MROH2A: variants seen among roughly 807,000 people sequenced by gnomAD.
MROH2A encodes maestro heat-like repeat-containing protein family member 2A.
In MROH2A, 174 loss-of-function variants were observed where a neutral mutation model predicts 200.4. The ratio of observed to expected loss-of-function variants is 0.87; its 90% CI spans 0.77 to 0.98. The LOEUF (loss-of-function observed/expected upper bound fraction) is 0.98. MROH2A is among the 50% of genes least tolerant of loss of function. The pLI, the probability that MROH2A is intolerant of heterozygous loss-of-function variation, is 0.00. For missense variants in MROH2A, 2,045 were observed against 2,139.6 expected (o/e 0.96, Z 0.87); for synonymous variants, 829 against 840.4 (o/e 0.99, Z 0.23).
intron 34 of MROH2A, 150 bp downstream of exon 34, chr2:233,823,168 C>T (rs2124882600): frequency 1.2e-6 from 1 of 819,116 alleles, no homozygotes; most frequent in Non-Finnish European, 1.9e-6. Context: ...TCTAGGATGG[C>T]AGTGGTGTGC....
rs1702893158 is a variant in MROH2A, at chr2:233,807,693, G to A, written c.2173-40G>A. 6.5e-7 allele frequency: 1 copy of A among 1,550,290 alleles called. No individual in the cohort carries two copies. Among genetic ancestry groups the A allele is most frequent in the African/African-American group, 1.4e-5 (1 of 73,050 alleles). ...TGTGTGGGATCCTCCTCTGCCCACT[G>A]GCCCCTGCCCTCACCCTGGCTGGCT... On this transcript the variant is annotated intron_variant, in intron 20 of 41. Coordinates refer to ENST00000389758, the MANE Select transcript of MROH2A (RefSeq NM_001394639.1). This position sits in a 1 kb window ranked among gnomAD's most constrained non-coding sequence, Gnocchi z 4.3.
At chr2:233,818,837 G>A (rs561794685) in intron 29 of MROH2A, 67 bp downstream of exon 29, 27 of 1,023,482 alleles carry the variant, frequency 2.6e-5, no homozygotes, top group Non-Finnish European at 2.9e-5. Flanking sequence ...CTCTCAGGGA[G>A]GGAGGCCTTC....
intron 8 of MROH2A, 122 bp from the exon 9 acceptor site, chr2:233,795,531 C>T: frequency 6.9e-7 from 1 of 1,453,568 alleles, no homozygotes; most frequent in Non-Finnish European, 9.4e-7. Flanking sequence ...GTCTGCATTT[C>T]TAATCAGCTC....
chr2:233,788,102 T>TAC (rs1300983635), intron 3 of MROH2A, among the ~76,000 whole-genome samples: 1 of 107,260 alleles, frequency 9.3e-6, no homozygotes, highest in African/African-American at 3.7e-5. Flanking sequence ...ATATATTATA[T>TAC]ATACATATAT....
rs79943447 is a variant in MROH2A at position 233,823,326 on chromosome 2, G to A, written c.4005-230G>A. 2.3e-3 allele frequency among the ~76,000 whole-genome samples: 355 copies of A among 152,348 alleles called. 8 individuals are homozygous for A. In the East Asian group the frequency reaches 0.058, roughly 25 times the overall value. On this transcript the variant is annotated intron_variant, in intron 34 of 41. Transcript: ENST00000389758. The stretch of plus-strand genomic sequence containing the variant: ...CTGGGGTCCTAGTCACTCCGGAGCC[G>A]CCCTCACTCTAGTCCCCTTTGTAAA...
At chr2:233,822,070 C>T in intron 31 of MROH2A, 54 bp from the exon 32 acceptor site, 1 of 1,507,878 alleles carries the variant, frequency 6.6e-7, no homozygotes, top group Non-Finnish European at 8.9e-7. Flanking sequence ...GGATTCTTAC[C>T]TGCCAGGGCA....
At chr2:233,832,513 C>A in intron 40 of MROH2A, 66 bp from the exon 41 acceptor site, 2 of 1,275,550 alleles carry the variant, frequency 1.6e-6, no homozygotes, top group Non-Finnish European at 2.2e-6. Flanking sequence ...AGTAAGTAAA[C>A]CACAGGACGA....
At chr2:233,804,263 G>T in intron 17 of MROH2A, 71 bp downstream of exon 17, 1 of 1,526,830 alleles carries the variant, frequency 6.5e-7, no homozygotes, top group South Asian at 1.2e-5. Context: ...CTAATCACAT[G>T]ACTTGAATAA....
Position 233,829,700 on chromosome 2 carries a change from C to T in MROH2A, c.4527C>T (p.Phe1509=). 1 of 1,496,918 alleles carries T rather than the reference C, an allele frequency of 6.7e-7. No individual in the cohort carries two copies. The highest frequency in any genetic ancestry group is 1.3e-5 in the South Asian group (1 of 76,146). The allele number at this position is 1,496,918 out of a possible 1,614,324, so 92.7% of individuals were successfully genotyped here. ...TGGTCGGGATGTCCAAGAAGCATTT[C>T]TTCAAAGGGGAGGTGAAGAAGGCCT... ...ARVVGMSKKH[F]FKGEVKKAWI... is the part of the protein sequence containing the mutation. The change falls in exon 38 of 42, where the codon TTC becomes TTT. Residue 1509 remains phenylalanine, a synonymous_variant. Transcript: ENST00000389758.
Position 233,802,283 on chromosome 2 carries a change from T to C in MROH2A, c.1676T>C (p.Val559Ala), listed in dbSNP as rs1702521880. 2.3e-5 allele frequency: 36 copies of C among 1,550,476 alleles called. No homozygotes were observed. The highest frequency in any genetic ancestry group is 3.1e-5 in the Non-Finnish European group (36 of 1,146,828). ...LAEHQLHGQD[V>A]DVSVAGKSRQ... ...GAACACCAGCTCCATGGCCAGGATG[T>C]GGATGTCAGCGTGGCTGGCAAGAGC... The change falls in exon 15 of 42, where the codon GTG becomes GCG. Residue 559 changes from valine (V) to alanine (A), a missense_variant. Transcript: ENST00000389758.
At position 233,795,954 on chromosome 2, in the gene MROH2A, C is replaced by T. The variant is rs375767341; in HGVS notation, c.1060-13C>T. ...TGTGATCTCCTCCAGCCTCACTGCA[C>T]GTCCCTCACCAGGTGTGCAACAAGG... is the stretch of plus-strand genomic sequence containing the variant. On this transcript the variant is annotated splice_polypyrimidine_tract_variant and intron_variant, in intron 9 of 41. Coordinates refer to ENST00000389758, the MANE Select transcript of MROH2A (RefSeq NM_001394639.1). 74 of 1,550,034 alleles carry T rather than the reference C, an allele frequency of 4.8e-5. No individual in the cohort carries two copies. Among genetic ancestry groups the T allele is most frequent in the East Asian group, 3.4e-4 (14 of 40,906 alleles).
At chr2:233,816,005 T>G (rs921128232) in intron 26 of MROH2A, among the ~76,000 whole-genome samples, 2 of 152,236 alleles carry the variant, frequency 1.3e-5, no homozygotes, top group African/African-American at 4.8e-5. Context: ...AGAATCTTTC[T>G]GGTTTGGATT....
At chr2:233,806,572 A>G (rs1383245408) in intron 19 of MROH2A, among the ~76,000 whole-genome samples, 2 of 152,206 alleles carry the variant, frequency 1.3e-5, no homozygotes, top group Admixed American at 1.3e-4. Context: ...TAAAAATCAA[A>G]GAAACACATC....
At chr2:233,777,919 T>C (rs1449553001), upstream of MROH2A, among the ~76,000 whole-genome samples, 1 of 152,166 alleles carries the variant, frequency 6.6e-6, no homozygotes, top group African/African-American at 2.4e-5. Flanking sequence ...TTGTAAGTAT[T>C]GTGCTAGTGG....
In MROH2A at chr2:233,789,527, A is replaced by G. The variant is rs1396298451; in HGVS notation, c.307A>G (p.Asn103Asp). 4.8e-6 allele frequency: 7 copies of G among 1,461,726 alleles called. No homozygotes were observed. The highest frequency in any genetic ancestry group is 5.4e-6 in the Non-Finnish European group (6 of 1,104,874). The allele number at this position is 1,461,726 out of a possible 1,614,324, so 90.5% of individuals were successfully genotyped here. A position where few individuals can be genotyped will look rare whatever the true frequency, so the allele number is the denominator to read the frequency against. The part of the protein sequence containing the change: ...ISTQRKVNIY[N>D]ILQDIIQQEG... ...CACCCAGCGCAAGGTCAACATTTAC[A>G]ACATCCTCCAGGACATCATCCAGCA... is the stretch of plus-strand genomic sequence containing the variant. Residue 103 changes from asparagine to aspartate, a missense_variant, in exon 4 of 42, where the codon AAC becomes GAC. This residue lies in a region of MROH2A where 831 missense variants were observed against 800.0 expected (regional missense o/e 1.04). Coordinates refer to ENST00000389758, the MANE Select transcript of MROH2A (RefSeq NM_001394639.1).
chr2:233,823,597 C>T lies in MROH2A; in HGVS notation c.4046C>T (p.Ala1349Val). 6.4e-7 allele frequency: 1 copy of T among 1,550,394 alleles called. No homozygotes were observed. The highest frequency in any genetic ancestry group is 8.7e-7 in the Non-Finnish European group (1 of 1,146,982). ...QHVEGHRQRL[A>V]ELVLRGMDSE... is the part of the protein sequence containing the mutation. ...GTGGAGGGCCACAGGCAGAGGCTGG[C>T]CGAGCTGGTGCTCAGGGGCATGGAC... is the stretch of plus-strand genomic sequence containing the variant. Residue 1349 changes from alanine (A) to valine (V), a missense_variant, in exon 35 of 42, where the codon GCC becomes GTC. Transcript: ENST00000389758.
chr2:233,813,023 T>C (rs1703276212), intron 24 of MROH2A, among the ~76,000 whole-genome samples: 1 of 152,200 alleles, frequency 6.6e-6, no homozygotes, highest in Non-Finnish European at 1.5e-5. Flanking sequence ...CCACCCCAGA[T>C]CCTGGGGCTT....
chr2:233,823,529 C>A lies in MROH2A; in HGVS notation c.4005-27C>A. On this transcript the variant is annotated intron_variant, in intron 34 of 41. Coordinates refer to ENST00000389758, the MANE Select transcript of MROH2A (RefSeq NM_001394639.1). Reference sequence around the variant, plus strand: ...TCAGGCAGGGGTGGGGCCGCCTCCACGACCTGGCACTGTCTCTCCTCTGCA... The same window carrying A: ...TCAGGCAGGGGTGGGGCCGCCTCCAAGACCTGGCACTGTCTCTCCTCTGCA... 6 of 1,540,330 alleles carry A rather than the reference C, an allele frequency of 3.9e-6. No individual in the cohort carries two copies. In the South Asian group the frequency reaches 7.2e-5, roughly 18 times the overall value.
rs539476168 is a variant in MROH2A at position 233,783,933 on chromosome 2, CT to C, written c.276+4091del. Among the ~76,000 whole-genome samples the C allele has an allele frequency of 5.9e-3, 880 of 148,710 alleles. 6 individuals are homozygous for C. The highest frequency in any genetic ancestry group is 0.02 in the African/African-American group (806 of 40,656). On this transcript the variant is annotated intron_variant, in intron 3 of 41. Transcript: ENST00000389758. ...GATTTTATTTATTTGGGTCTTCACT[CT>C]TTTTTTTTTATTTATTTACTCTAGC...
Sources: gnomAD v4.1 joint callset for allele counts (sites outside exome capture counted in the v4.1 genomes callset) on GRCh38, gnomAD v4.1.1 for gene constraint, gnomAD v4.1.1 regional missense constraint, Gnocchi (gnomAD v3.1) non-coding constraint, MANE v1.5 for transcripts, NCBI Gene and HGNC (gene_info 2026-07-23, HGNC 2026-07-21) for gene names.